MCF2L2: variants seen among roughly 807,000 people sequenced by gnomAD.
MCF2L2 encodes the protein probable guanine nucleotide exchange factor MCF2L2.
A neutral mutation model predicts 150.2 loss-of-function variants in MCF2L2; 102 were observed. That is an observed-to-expected ratio of 0.68 (90% confidence interval 0.58 to 0.80). The LOEUF is 0.80. Among genes scored for constraint, MCF2L2 ranks in the 30% least tolerant of loss-of-function variants. The pLI is 0.00. For missense variants in MCF2L2, 1,256 were observed against 1,372.8 expected (o/e 0.91, Z 1.34); for synonymous variants, 465 against 491.3 (o/e 0.95, Z 0.71).
At chr3:183,289,508 A>C (rs952568235) in intron 13 of MCF2L2, among the ~76,000 whole-genome samples, 1 of 152,178 alleles carries the variant, frequency 6.6e-6, no homozygotes, top group East Asian at 1.9e-4. Context: ...ACATATAGCA[A>C]TGTGGTAAAG....
At chr3:183,342,073 G>A (rs1730721706) in intron 3 of MCF2L2, among the ~76,000 whole-genome samples, 1 of 152,160 alleles carries the variant, frequency 6.6e-6, no homozygotes, top group South Asian at 2.1e-4. Flanking sequence ...GAGGTGTTTA[G>A]AATTAACACG....
At chr3:183,269,924 T>TA in intron 15 of MCF2L2, 1 of 1,614,184 alleles carries the variant, frequency 6.2e-7, no homozygotes, top group Non-Finnish European at 8.5e-7. Context: ...TTGTGAGCCA[T>TA]ATGAAGTCAT....
chr3:183,279,790 G>A (rs1727369878), intron 14 of MCF2L2, among the ~76,000 whole-genome samples: 1 of 152,240 alleles, frequency 6.6e-6, no homozygotes, highest in South Asian at 2.1e-4. Flanking sequence ...CAGCACTTCG[G>A]GAGGCCGAGG....
At chr3:183,202,222 C>G (rs1003702762) in intron 25 of MCF2L2, among the ~76,000 whole-genome samples, 7 of 152,114 alleles carry the variant, frequency 4.6e-5, no homozygotes, top group Non-Finnish European at 7.3e-5. Context: ...TCAGAACTTG[C>G]CCAATGTGAA....
intron 15 of MCF2L2, among the ~76,000 whole-genome samples, chr3:183,273,680 A>AT (rs1295274605): frequency 7.9e-5 from 12 of 152,166 alleles, no homozygotes; most frequent in African/African-American, 2.7e-4. Flanking sequence ...CAGGTGTACC[A>AT]TTTTTTATCT....
intron 7 of MCF2L2, among the ~76,000 whole-genome samples, chr3:183,312,006 T>G (rs1051676513): frequency 2.6e-5 from 4 of 152,204 alleles, no homozygotes; most frequent in African/African-American, 9.7e-5. Flanking sequence ...TTTTTCCTCT[T>G]CAAAATCAAC....
At chr3:183,414,365 T>C (rs67539055) in intron 1 of MCF2L2, among the ~76,000 whole-genome samples, 15,392 of 152,274 alleles carry the variant, frequency 0.1, 848 homozygotes, top group African/African-American at 0.15. Flanking sequence ...TTTGTTGGCA[T>C]ATAGTTATTC....
intron 3 of MCF2L2, chr3:183,372,863 T>C (rs1448154667): frequency 6.6e-6 from 1 of 152,202 alleles, no homozygotes; most frequent in African/African-American, 2.4e-5. Flanking sequence ...CAGTGATAAA[T>C]ATCCATGCTT....
intron 7 of MCF2L2, among the ~76,000 whole-genome samples, chr3:183,316,448 G>A (rs1031252296): frequency 2.7e-5 from 4 of 149,140 alleles, no homozygotes; most frequent in South Asian, 2.2e-4. Context: ...GGGTTCAAGC[G>A]AGTCTCCTGC....
chr3:183,287,148 G>A (rs1434326528), intron 14 of MCF2L2, among the ~76,000 whole-genome samples: 1 of 152,066 alleles, frequency 6.6e-6, no homozygotes, highest in African/African-American at 2.4e-5. Flanking sequence ...CTCCTACACT[G>A]TCTATGTTTC....
chr3:183,193,452 G>A (rs1000534606), intron 26 of MCF2L2, among the ~76,000 whole-genome samples: 1 of 151,748 alleles, frequency 6.6e-6, no homozygotes, highest in Non-Finnish European at 1.5e-5. Context: ...CTGGGTTGAC[G>A]CCATTCTCCT....
rs755203514 is a variant in MCF2L2, at chr3:183,270,134, C to T, written c.1862+6738G>A. On this transcript the variant is annotated intron_variant, in intron 15 of 29. Coordinates refer to ENST00000328913, the MANE Select transcript of MCF2L2 (RefSeq NM_015078.4). The surrounding 1 kb of genome is among the most constrained non-coding windows in gnomAD (Gnocchi z 4.5). ...GTTCCGGAATTAGAAGGACGTGGGG[C>T]AATGAAAATTATGTTCGGTCTCAGC... 95 of 1,613,936 alleles carry T rather than the reference C, an allele frequency of 5.9e-5. 5 individuals are homozygous for T. The South Asian group carries it at 1.0e-3, about 17-fold the overall frequency.
chr3:183,384,059 A>G (rs1189506461), intron 2 of MCF2L2, among the ~76,000 whole-genome samples: 1 of 152,226 alleles, frequency 6.6e-6, no homozygotes, highest in East Asian at 1.9e-4. Flanking sequence ...GAACCTCCAC[A>G]TGGAGAAAAG....
intron 15 of MCF2L2, chr3:183,272,253 C>T (rs944094448): frequency 8.0e-6 from 8 of 1,000,182 alleles, no homozygotes; most frequent in Non-Finnish European, 9.6e-6. Flanking sequence ...ATACACACTA[C>T]CTCCCTTCAC....
chr3:183,187,428 G>A (rs1425463030), intron 27 of MCF2L2, among the ~76,000 whole-genome samples: 2 of 152,146 alleles, frequency 1.3e-5, no homozygotes, highest in Non-Finnish European at 2.9e-5. Flanking sequence ...ATCCAAGTCA[G>A]TAAAACAGTC....
chr3:183,346,839 A>G (rs557568395), intron 3 of MCF2L2, among the ~76,000 whole-genome samples: 5 of 152,286 alleles, frequency 3.3e-5, no homozygotes, highest in African/African-American at 1.2e-4. Context: ...ACCTAGAAAT[A>G]CAACTTACAA....
At chr3:183,310,560 G>A in intron 9 of MCF2L2, 1 of 291,066 alleles carries the variant, frequency 3.4e-6, no homozygotes, top group Non-Finnish European at 6.8e-6. Flanking sequence ...CTACTTGGGA[G>A]GCTGAGGTGG....
chr3:183,272,018 A>G (rs1166992524), intron 15 of MCF2L2: 1 of 439,346 alleles, frequency 2.3e-6, no homozygotes, highest in East Asian at 1.6e-4. Context: ...CATCAAAGTT[A>G]TAATATCTAA....
intron 13 of MCF2L2, among the ~76,000 whole-genome samples, chr3:183,293,057 T>C (rs1728256695): frequency 6.6e-6 from 1 of 152,132 alleles, no homozygotes; most frequent in South Asian, 2.1e-4. Context: ...TCACTCCAAT[T>C]ACAAGGCAGA....
Sources: gnomAD v4.1 joint callset for allele counts (sites outside exome capture counted in the v4.1 genomes callset) on GRCh38, gnomAD v4.1.1 for gene constraint, Gnocchi (gnomAD v3.1) non-coding constraint, MANE v1.5 for transcripts, NCBI Gene and HGNC (gene_info 2026-07-23, HGNC 2026-07-21) for gene names.